Variants in CLN5 observed in about 807,000 individuals in gnomAD.
The protein encoded by CLN5 is bis(monoacylglycero)phosphate synthase CLN5.
CLN5 carries 34 observed loss-of-function variants against 36.7 expected under a neutral mutation model. That is an observed-to-expected ratio of 0.93 (90% CI 0.71 to 1.23). The LOEUF is 1.23. Among genes scored for constraint, CLN5 ranks in the 50% most tolerant of loss-of-function variants. The pLI is 0.00. For missense variants in CLN5, 427 were observed against 439.4 expected (o/e 0.97, Z 0.25); for synonymous variants, 151 against 155.1 (o/e 0.97, Z 0.20).
Position 77,000,615 on chromosome 13 carries a change from G to C in CLN5, c.723G>C (p.Lys241Asn). 1 of 1,614,104 alleles carries C rather than the reference G, an allele frequency of 6.2e-7. No homozygotes were observed. The highest frequency in any genetic ancestry group is 2.2e-5 in the East Asian group (1 of 44,858). The change falls in exon 4 of 4, where the codon AAG becomes AAC. Residue 241 changes from lysine (K) to asparagine (N), a missense_variant. Physicochemically the swap from Lys to Asn is moderately conservative, Grantham distance 94. Transcript: ENST00000377453. Reference protein sequence around the residue: ...CSKFVLRTFNKLAEFGAEFKN... With the variant: ...CSKFVLRTFNNLAEFGAEFKN... ...AATTTGTGTTAAGGACCTTTAACAA[G>C]TTGGCTGAATTTGGAGCAGAGTTCA...
chr13:76,996,054 C>T lies in CLN5; in HGVS notation c.492C>T (p.Ala164=), dbSNP rs2034262158. 1 of 1,614,182 alleles carries T rather than the reference C, an allele frequency of 6.2e-7. No homozygotes were observed. The highest frequency in any genetic ancestry group is 2.2e-5 in the East Asian group (1 of 44,878). ...CTTTCTGGTGTAATCAAGGCGCTGC[C>T]TGCTTTTTTGAGGGAATTGATGATG... ...DAPFWCNQGA[A]CFFEGIDDVH... The change falls in exon 3 of 4, where the codon GCC becomes GCT. Residue 164 remains alanine, a synonymous_variant. Transcript: ENST00000377453.
rs773030124 is a variant in CLN5, at chr13:77,000,897, A to T, written c.1005A>T (p.Lys335Asn). ...YNFEYWFLPMKFPFIKITYEE... is the reference protein window; with the variant it reads ...YNFEYWFLPMNFPFIKITYEE... ...TTGAATATTGGTTTTTACCTATGAA[A>T]TTCCCTTTTATTAAAATAACATATG... The change falls in exon 4 of 4, where the codon AAA becomes AAT. Residue 335 changes from lysine to asparagine, a missense_variant. Coordinates refer to ENST00000377453, the MANE Select transcript of CLN5 (RefSeq NM_006493.4). The T allele has an allele frequency of 6.3e-7, 1 of 1,593,144 alleles. No individual in the cohort carries two copies. Among genetic ancestry groups the T allele is most frequent in the Non-Finnish European group, 8.5e-7 (1 of 1,171,744 alleles).
Position 77,000,975 on chromosome 13 carries a change from C to T in CLN5, c.*6C>T. On this transcript the variant is annotated 3_prime_UTR_variant, in exon 4 of 4. Transcript: ENST00000377453. The stretch of plus-strand genomic sequence containing the variant: ...AAACACTCTCTGGTTTATAAAACAC[C>T]TTAATTCTACTGCTCTTTTTTCTCC... 6.2e-7 allele frequency: 1 copy of T among 1,600,060 alleles called. No homozygotes were observed. The highest frequency in any genetic ancestry group is 8.5e-7 in the Non-Finnish European group (1 of 1,174,598).
chr13:77,001,606 CAT>C lies in CLN5; in HGVS notation c.*638_*639del. On this transcript the variant is annotated 3_prime_UTR_variant, in exon 4 of 4. Coordinates refer to ENST00000377453, the MANE Select transcript of CLN5 (RefSeq NM_006493.4). ...GGCTTGTGTTCTTTAAGCATACTAA[CAT>C]CACTAAATCTTAGGATTTAGGATTG... 1 of 152,390 alleles carries C rather than the reference CAT, an allele frequency of 6.6e-6. No individual in the cohort carries two copies. Among genetic ancestry groups the C allele is most frequent in the East Asian group, 1.9e-4 (1 of 5,194 alleles). The allele number at this position is 152,390 out of a possible 1,614,324, so 9.4% of individuals were successfully genotyped here.
At chr13:76,992,537 G>A (rs920491695) in intron 1 of CLN5, 3 of 531,648 alleles carry the variant, frequency 5.6e-6, no homozygotes, top group Non-Finnish European at 9.9e-6. Flanking sequence ...CGTGGAAGAA[G>A]AAAAGGAGAG....
chr13:77,000,692 C>G lies in CLN5; in HGVS notation c.800C>G (p.Thr267Ser). 6.2e-7 allele frequency: 1 copy of G among 1,614,092 alleles called. No homozygotes were observed. Among genetic ancestry groups the G allele is most frequent in the Non-Finnish European group, 8.5e-7 (1 of 1,179,988 alleles). ...TRIFLYSGEP[T>S]YLGNETSVFG... ...ATATTTCTTTACAGTGGAGAACCTA[C>G]TTATCTGGGAAATGAAACATCTGTT... Residue 267 changes from threonine to serine, a missense_variant, in exon 4 of 4, where the codon ACT (threonine) becomes AGT (serine). Thr to Ser is a moderately conservative substitution (Grantham distance 58, BLOSUM62 1). Coordinates refer to ENST00000377453, the MANE Select transcript of CLN5 (RefSeq NM_006493.4).
intron 3 of CLN5, 69 bp from the exon 4 acceptor site, chr13:77,000,383 TAAAAAA>T: frequency 8.5e-7 from 1 of 1,178,706 alleles, no homozygotes; most frequent in Non-Finnish European, 1.1e-6. Context: ...AGACCTGTCT[TAAAAAA>T]AAAAAAAAAA....
intron 2 of CLN5, 190 bp from the exon 3 acceptor site, chr13:76,995,712 C>T: frequency 1.6e-6 from 1 of 644,594 alleles, no homozygotes; most frequent in Non-Finnish European, 2.8e-6. Context: ...GTGTAGTGGC[C>T]AAAGCTGGGG....
chr13:77,000,707 A>AC lies in CLN5; in HGVS notation c.815_816insC (p.Glu272AspfsTer31), dbSNP rs1442668998. The AC allele has an allele frequency of 6.2e-7, 1 of 1,613,888 alleles. No homozygotes were observed. The highest frequency in any genetic ancestry group is 8.5e-7 in the Non-Finnish European group (1 of 1,179,856). On this transcript the variant is annotated frameshift_variant, in exon 4 of 4. Transcript: ENST00000377453. LOFTEE classifies it high-confidence loss of function. The stretch of plus-strand genomic sequence containing the variant: ...GGAGAACCTACTTATCTGGGAAATG[A>AC]AACATCTGTTTTTGGGCCAACAGGA...
At chr13:76,994,619 A>C in intron 1 of CLN5, 1 of 174,394 alleles carries the variant, frequency 5.7e-6, no homozygotes, top group Admixed American at 5.9e-5. Context: ...GAGCCTCAAT[A>C]AATATTGGTT....
chr13:77,000,707 A>G lies in CLN5; in HGVS notation c.815A>G (p.Glu272Gly). ...GGAGAACCTACTTATCTGGGAAATG[A>G]AACATCTGTTTTTGGGCCAACAGGA... ...YSGEPTYLGN[E>G]TSVFGPTGNK... Residue 272 changes from glutamate (E) to glycine (G), a missense_variant, in exon 4 of 4, where the codon GAA becomes GGA. Physicochemically the swap from Glu to Gly is moderately conservative, Grantham distance 98. Coordinates refer to ENST00000377453, the MANE Select transcript of CLN5 (RefSeq NM_006493.4). 1 of 1,614,006 alleles carries G rather than the reference A, an allele frequency of 6.2e-7. No homozygotes were observed. Among genetic ancestry groups the G allele is most frequent in the Non-Finnish European group, 8.5e-7 (1 of 1,179,848 alleles).
rs756731673 is a variant in CLN5, at chr13:76,996,146, G to C, written c.565+19G>C. ...ATATCAGGTAAGTTGTGAAAATATA[G>C]CAATATTTGATCATTGCATCAAAAA... is the stretch of plus-strand genomic sequence containing the variant. On this transcript the variant is annotated intron_variant, in intron 3 of 3. Transcript: ENST00000377453. 6 of 1,577,834 alleles carry C rather than the reference G, an allele frequency of 3.8e-6. No individual in the cohort carries two copies. The highest frequency in any genetic ancestry group is 3.5e-6 in the Non-Finnish European group (4 of 1,147,142).
Position 77,000,652 on chromosome 13 carries a change from A to C in CLN5, c.760A>C (p.Thr254Pro), listed in dbSNP as rs767032477. ...TGGAGCAGAGTTCAAGAACATAGAA[A>C]CCAACTATACAAGAATATTTCTTTA... ...EFGAEFKNIE[T>P]NYTRIFLYSG... The change falls in exon 4 of 4, where the codon ACC becomes CCC. Residue 254 changes from threonine (T) to proline (P), a missense_variant. By Grantham distance (38) the Thr-to-Pro change is conservative. Transcript: ENST00000377453. 3 of 1,614,116 alleles carry C rather than the reference A, an allele frequency of 1.9e-6. No homozygotes were observed. The highest frequency in any genetic ancestry group is 2.5e-6 in the Non-Finnish European group (3 of 1,179,972).
chr13:76,995,821 G>A (rs983540089), intron 2 of CLN5, 81 bp from the exon 3 acceptor site: 15 of 973,426 alleles, frequency 1.5e-5, no homozygotes, highest in Non-Finnish European at 2.0e-5. Flanking sequence ...CATTTGTGAT[G>A]TGCCACATTT....
chr13:76,995,913 T>C lies in CLN5; in HGVS notation c.351T>C (p.His117=). ...GDLLGHLKIM[H]DAIGFRSTLT... is the part of the protein sequence containing the mutation. ...CTGTCTTTACACAGAAAATTATGCATGATGCCATTGGATTCAGAAGTACAT... is the reference window on the plus strand; with the variant it reads ...CTGTCTTTACACAGAAAATTATGCACGATGCCATTGGATTCAGAAGTACAT... Residue 117 remains histidine (H), a synonymous_variant, in exon 3 of 4, where the codon CAT becomes CAC. Coordinates refer to ENST00000377453, the MANE Select transcript of CLN5 (RefSeq NM_006493.4). The C allele has an allele frequency of 1.2e-6, 2 of 1,613,998 alleles. No individual in the cohort carries two copies. The highest frequency in any genetic ancestry group is 1.7e-6 in the Non-Finnish European group (2 of 1,179,826).
rs1311642724 is a variant in CLN5, at chr13:77,001,830, C to G, written c.*861C>G. 1.3e-5 allele frequency: 2 copies of G among 152,224 alleles called. No individual in the cohort carries two copies. Among genetic ancestry groups the G allele is most frequent in the African/African-American group, 4.8e-5 (2 of 41,452 alleles). 9.4% of individuals were successfully genotyped at this position (152,224 alleles called of 1,614,324 possible). ...TTCTTCTAACCGGGGTATGCAGGAA[C>G]ATGGCTGCAGACACGTTTGGGTAAA... On this transcript the variant is annotated 3_prime_UTR_variant, in exon 4 of 4. Transcript: ENST00000377453.
intron 3 of CLN5, chr13:76,996,774 AT>A (rs1201479800): frequency 6.5e-6 from 1 of 152,856 alleles, no homozygotes; most frequent in East Asian, 1.9e-4. Context: ...ATGGGAAAGT[AT>A]TTTTTGCGTA....
rs1338752072 is a variant in CLN5 at position 76,992,161 on chromosome 13, G to A, written c.63G>A (p.Arg21=). The change falls in exon 1 of 4, where the codon CGG becomes CGA. Residue 21 remains arginine, a synonymous_variant. Transcript: ENST00000377453. The stretch of plus-strand genomic sequence containing the variant: ...TGCGGCGGGGCGCGGGCGCGGCTCG[G>A]GGACGCGCTTCCTGGTGCTGGGCCC... ...AEMRRGAGAA[R]GRASWCWALA... is the part of the protein sequence containing the mutation. 10 of 1,605,778 alleles carry A rather than the reference G, an allele frequency of 6.2e-6. No individual in the cohort carries two copies. The highest frequency in any genetic ancestry group is 8.5e-6 in the Non-Finnish European group (10 of 1,177,694).
rs769662577 is a variant in CLN5, at chr13:77,000,507, A to G, written c.615A>G (p.Thr205=). ...MAKWVKQDNE[T]GIYYETWNVK... ...AGTGGGTGAAACAGGACAATGAAAC[A>G]GGAATTTATTATGAGACATGGAATG... The change falls in exon 4 of 4, where the codon ACA becomes ACG. Residue 205 remains threonine, a synonymous_variant. Coordinates refer to ENST00000377453, the MANE Select transcript of CLN5 (RefSeq NM_006493.4). 12 of 1,613,956 alleles carry G rather than the reference A, an allele frequency of 7.4e-6. No individual in the cohort carries two copies. The East Asian group carries it at 8.9e-5, about 12-fold the overall frequency.
Sources: allele counts gnomAD v4.1 joint callset, GRCh38; gene constraint gnomAD v4.1.1; transcripts MANE v1.5; gene names NCBI Gene and HGNC (gene_info 2026-07-23, HGNC 2026-07-21).